COL14A1: variants seen among roughly 807,000 people sequenced by gnomAD.
The protein encoded by COL14A1 is collagen type XIV alpha 1 chain.
A neutral mutation model predicts 230.3 loss-of-function variants in COL14A1; 136 were observed. That is an observed-to-expected ratio of 0.59 (90% confidence interval 0.51 to 0.68). The LOEUF is 0.68. COL14A1 is among the 30% of genes least tolerant of loss of function. The pLI is 0.00. For missense variants in COL14A1, 1,976 were observed against 2,215.8 expected (o/e 0.89, Z 2.17); for synonymous variants, 792 against 784.1 (o/e 1.01, Z -0.17).
At chr8:120,370,742 A>G (rs1290623307) in intron 47 of COL14A1, 11 of 1,388,124 alleles carry the variant, frequency 7.9e-6, no homozygotes, top group Admixed American at 2.2e-5. Context: ...CACAGGATGG[A>G]TGGGCATCTT....
chr8:120,353,736 A>C (rs1373475453), intron 45 of COL14A1, among the ~76,000 whole-genome samples: 11 of 150,810 alleles, frequency 7.3e-5, no homozygotes, highest in Non-Finnish European at 1.6e-4. Flanking sequence ...AAAAGTCAGG[A>C]AACAACAGGT....
rs748758883 is a variant in COL14A1, at chr8:120,278,183, C to G, written c.3286C>G (p.Leu1096Val). The change falls in exon 27 of 48, where the codon CTT becomes GTT. Residue 1096 changes from leucine (L) to valine (V), a missense_variant. Transcript: ENST00000297848. ...AAATGCTTACAAAACCAAAGAGACTCTTCTTGATGCAATTAAACACATTTC... is the reference window on the plus strand; with the variant it reads ...AAATGCTTACAAAACCAAAGAGACTGTTCTTGATGCAATTAAACACATTTC... ...KLNAYKTKET[L>V]LDAIKHISYK... The G allele has an allele frequency of 1.9e-6, 3 of 1,611,972 alleles. No homozygotes were observed. Among genetic ancestry groups the G allele is most frequent in the Admixed American group, 3.4e-5 (2 of 59,668 alleles).
rs753832712 is a variant in COL14A1 at position 120,231,564 on chromosome 8, T to C, written c.2295T>C (p.Phe765=). Residue 765 remains phenylalanine (F), a synonymous_variant, in exon 19 of 48, where the codon TTT becomes TTC. Transcript: ENST00000297848. ...WDISDSDVQQ[F]RVTYMTAQGD... ...TTTCTGACAGCGATGTGCAGCAGTT[T>C]AGGGTGACCTACATGACAGCTCAAG... is the stretch of plus-strand genomic sequence containing the variant. 6.2e-7 allele frequency: 1 copy of C among 1,613,898 alleles called. No homozygotes were observed. The highest frequency in any genetic ancestry group is 8.5e-7 in the Non-Finnish European group (1 of 1,179,996).
chr8:120,239,857 TG>T (rs1411844517), intron 19 of COL14A1, among the ~76,000 whole-genome samples: 1 of 151,886 alleles, frequency 6.6e-6, no homozygotes, highest in Non-Finnish European at 1.5e-5. Flanking sequence ...GTTTGCTTTT[TG>T]TTTTTTACTT....
chr8:120,259,984 A>G (rs1320508454), intron 23 of COL14A1, among the ~76,000 whole-genome samples: 1 of 152,190 alleles, frequency 6.6e-6, no homozygotes, highest in Non-Finnish European at 1.5e-5. Context: ...TTTACTTACT[A>G]TCAAACCCAT....
chr8:120,346,827 G>A (rs897753003), intron 45 of COL14A1, among the ~76,000 whole-genome samples: 5 of 152,200 alleles, frequency 3.3e-5, no homozygotes, highest in African/African-American at 9.7e-5. Context: ...GTTGAGAGCA[G>A]GGATTGGTTC....
Position 120,300,756 on chromosome 8 carries a change from C to G in COL14A1, c.4339C>G (p.Leu1447Val), listed in dbSNP as rs1820686342. The G allele has an allele frequency of 1.9e-6, 3 of 1,613,576 alleles. No homozygotes were observed. The highest frequency in any genetic ancestry group is 1.7e-5 in the Admixed American group (1 of 59,988). ...GAGAGATGATGAGTCTTGCCCAGAC[C>G]TTCCCCATTCCTGCTCCTGTTCTGA... ...GLRDDESCPD[L>V]PHSCSCSETN... Residue 1447 changes from leucine to valine, a missense_variant, in exon 36 of 48, where the codon CTT (leucine) becomes GTT (valine). Coordinates refer to ENST00000297848, the MANE Select transcript of COL14A1 (RefSeq NM_021110.4).
At chr8:120,179,023 G>C (rs1816378110) in intron 5 of COL14A1, among the ~76,000 whole-genome samples, 1 of 151,970 alleles carries the variant, frequency 6.6e-6, no homozygotes, top group South Asian at 2.1e-4. Context: ...TAGGTTGCCT[G>C]TTGCCTGTTC....
intron 40 of COL14A1, among the ~76,000 whole-genome samples, chr8:120,322,975 C>T (rs766048153): frequency 2.0e-4 from 30 of 152,208 alleles, no homozygotes; most frequent in Non-Finnish European, 3.5e-4. Context: ...GAGGAATCGC[C>T]GCACTGCCTT....
intron 19 of COL14A1, among the ~76,000 whole-genome samples, chr8:120,236,666 C>A (rs1378198697): frequency 2.0e-5 from 3 of 152,076 alleles, no homozygotes; most frequent in Non-Finnish European, 4.4e-5. Flanking sequence ...CATTATGATG[C>A]TAGCTGGTTA....
chr8:120,301,832 G>T (rs1820723682), intron 36 of COL14A1, among the ~76,000 whole-genome samples: 1 of 152,140 alleles, frequency 6.6e-6, no homozygotes, highest in African/African-American at 2.4e-5. Context: ...CAGTGTATAA[G>T]TGTTCCCTTT....
chr8:120,165,203 GCT>G (rs1815823817), intron 4 of COL14A1, among the ~76,000 whole-genome samples: 1 of 152,056 alleles, frequency 6.6e-6, no homozygotes, highest in African/African-American at 2.4e-5. Flanking sequence ...TTATATTCTT[GCT>G]CTCTGTGAGA....
At chr8:120,340,109 A>AGTGAGT (rs1554625760) in intron 42 of COL14A1, among the ~76,000 whole-genome samples, 1 of 143,946 alleles carries the variant, frequency 6.9e-6, no homozygotes, top group Admixed American at 7.0e-5. Context: ...TGAGTGAGTG[A>AGTGAGT]GTGTGTGTGT....
chr8:120,322,828 T>A (rs1161625736), intron 40 of COL14A1, among the ~76,000 whole-genome samples: 5 of 152,226 alleles, frequency 3.3e-5, no homozygotes. Context: ...TTCCATGTCT[T>A]TGCTATTGTG....
chr8:120,331,716 C>T (rs57892438), intron 40 of COL14A1, among the ~76,000 whole-genome samples: 56 of 152,204 alleles, frequency 3.7e-4, no homozygotes, highest in African/African-American at 1.2e-3. Context: ...GCAGACTTTC[C>T]GATATTGTAG....
At chr8:120,165,547 T>C (rs75073234) in intron 4 of COL14A1, among the ~76,000 whole-genome samples, 2,922 of 152,324 alleles carry the variant, frequency 0.019, 95 homozygotes, top group African/African-American at 0.065. Context: ...TAGTACAGCA[T>C]GGTAGCTATT....
intron 1 of COL14A1, among the ~76,000 whole-genome samples, chr8:120,135,820 A>G (rs1032652287): frequency 3.9e-5 from 6 of 152,172 alleles, no homozygotes; most frequent in Admixed American, 3.9e-4. Context: ...TGAAGAGTAT[A>G]GAGGCCTTGC....
Position 120,225,162 on chromosome 8 carries a change from C to G in COL14A1, c.1812C>G (p.Phe604Leu). ...TPLTEYTIAI[F>L]SIYDEGQSEP... ...TCACAGAGTATACTATTGCTATTTT[C>G]TCCATCTATGATGAAGGACAGTCAG... Residue 604 changes from phenylalanine to leucine, a missense_variant, in exon 15 of 48, where the codon TTC (phenylalanine) becomes TTG (leucine). Around this residue, in one of 3 missense-constraint regions of COL14A1, gnomAD observed 1,791 missense variants for 2,019.5 expected, o/e 0.89. Coordinates refer to ENST00000297848, the MANE Select transcript of COL14A1 (RefSeq NM_021110.4). 6.2e-7 allele frequency: 1 copy of G among 1,613,012 alleles called. No individual in the cohort carries two copies. Among genetic ancestry groups the G allele is most frequent in the Non-Finnish European group, 8.5e-7 (1 of 1,179,666 alleles).
Position 120,243,938 on chromosome 8 carries a change from A to G in COL14A1, c.2409A>G (p.Glu803=). The change falls in exon 20 of 48, where the codon GAA becomes GAG. Residue 803 remains glutamate (E), a synonymous_variant. Coordinates refer to ENST00000297848, the MANE Select transcript of COL14A1 (RefSeq NM_021110.4). ...LLLKPLLPDT[E]YKVTVTPIYT... is the part of the protein sequence containing the mutation. ...TGAAGCCTCTGCTTCCTGATACTGA[A>G]TACAAAGTCACAGTGACTCCCATCT... 2 of 1,613,546 alleles carry G rather than the reference A, an allele frequency of 1.2e-6. No homozygotes were observed. Among genetic ancestry groups the G allele is most frequent in the South Asian group, 1.1e-5 (1 of 91,026 alleles).
Sources: gnomAD v4.1 joint callset for allele counts (sites outside exome capture counted in the v4.1 genomes callset) on GRCh38, gnomAD v4.1.1 for gene constraint, gnomAD v4.1.1 regional missense constraint, MANE v1.5 for transcripts, NCBI Gene and HGNC (gene_info 2026-07-23, HGNC 2026-07-21) for gene names.